EIF4G3: variants seen among roughly 807,000 people sequenced by gnomAD.
EIF4G3 encodes the protein eukaryotic translation initiation factor 4 gamma 3.
In EIF4G3, 34 loss-of-function variants were observed where a neutral mutation model predicts 186.4. The ratio of observed to expected loss-of-function variants is 0.18; its 90% CI spans 0.14 to 0.24. The LOEUF is 0.24. EIF4G3 is among the 10% of genes least tolerant of loss of function. The pLI, the probability that EIF4G3 is intolerant of heterozygous loss-of-function variation, is 1.00. For synonymous variants in EIF4G3, 673 were observed against 679.5 expected (o/e 0.99, Z 0.15); for missense variants, 1,536 against 1,948.5 (o/e 0.79, Z 3.99).
intron 14 of EIF4G3, among the ~76,000 whole-genome samples, chr1:20,912,029 C>T (rs2093305554): frequency 6.6e-6 from 1 of 152,092 alleles, no homozygotes. Context: ...GTGGCTCATG[C>T]CACCATGAGG....
chr1:21,104,811 C>A (rs530324331), intron 2 of EIF4G3, among the ~76,000 whole-genome samples: 1 of 152,014 alleles, frequency 6.6e-6, no homozygotes, highest in Non-Finnish European at 1.5e-5. Flanking sequence ...ATACAACCAA[C>A]CTAAATGCCC....
At chr1:20,947,501 A>G (rs370492733) in intron 13 of EIF4G3, among the ~76,000 whole-genome samples, 163 of 152,126 alleles carry the variant, frequency 1.1e-3, no homozygotes, top group African/African-American at 3.9e-3. Flanking sequence ...GCTATGGAAG[A>G]AATTAGAAAT....
intron 18 of EIF4G3, among the ~76,000 whole-genome samples, chr1:20,888,730 A>G (rs1165391708): frequency 1.3e-5 from 2 of 152,166 alleles, no homozygotes; most frequent in African/African-American, 2.4e-5. Flanking sequence ...GGACCCTAAA[A>G]ACTATATTAT....
chr1:21,147,286 A>G (rs2097460137), intron 2 of EIF4G3, among the ~76,000 whole-genome samples: 1 of 151,956 alleles, frequency 6.6e-6, no homozygotes, highest in African/African-American at 2.4e-5. Context: ...AAATCTATAT[A>G]ATTTGTATTA....
In EIF4G3 at chr1:20,903,924, C is replaced by CA. The variant is rs903424470; in HGVS notation, c.1752+958dup. The stretch of plus-strand genomic sequence containing the variant: ...TTAATAAAGTAGCTAAAAGAATAGT[C>CA]AAAAAAAGGGAAAAAGCTACATACA... On this transcript the variant is annotated intron_variant, in intron 15 of 36. Coordinates refer to ENST00000602326, the MANE Select transcript of EIF4G3 (RefSeq NM_001391906.1). Among the ~76,000 whole-genome samples the CA allele has an allele frequency of 4.0e-5, 6 of 151,726 alleles. 1 individual carries two copies. The highest frequency in any genetic ancestry group is 1.5e-4 in the African/African-American group (6 of 41,292).
intron 10 of EIF4G3, among the ~76,000 whole-genome samples, chr1:20,976,953 A>C (rs1363981058): frequency 6.6e-6 from 1 of 152,180 alleles, no homozygotes; most frequent in Non-Finnish European, 1.5e-5. Context: ...AAATGAGAGA[A>C]GTTCTATAGA....
At chr1:21,102,861 CAA>C (rs1342755323) in intron 2 of EIF4G3, among the ~76,000 whole-genome samples, 1 of 151,932 alleles carries the variant, frequency 6.6e-6, no homozygotes, top group Non-Finnish European at 1.5e-5. Flanking sequence ...TAACAAATGT[CAA>C]GAGAAAAAAA....
At chr1:21,073,207 C>CTT (rs754966183) in intron 3 of EIF4G3, among the ~76,000 whole-genome samples, 2 of 152,168 alleles carry the variant, frequency 1.3e-5, no homozygotes, top group African/African-American at 4.8e-5. Flanking sequence ...AGAAACTCTT[C>CTT]AACAGCTCCT....
intron 4 of EIF4G3, among the ~76,000 whole-genome samples, chr1:21,031,525 C>A (rs2092747999): frequency 6.6e-6 from 1 of 151,966 alleles, no homozygotes; most frequent in Non-Finnish European, 1.5e-5. Context: ...TATAAGAACA[C>A]TAACAATGTT....
chr1:21,076,899 G>A (rs1047381450), intron 3 of EIF4G3, among the ~76,000 whole-genome samples: 3 of 152,036 alleles, frequency 2.0e-5, no homozygotes, highest in African/African-American at 7.2e-5. Flanking sequence ...TTTTTCTTTT[G>A]GGTAAAATCT....
intron 3 of EIF4G3, among the ~76,000 whole-genome samples, chr1:21,052,488 A>G (rs908156089): frequency 6.6e-6 from 1 of 152,192 alleles, no homozygotes; most frequent in Non-Finnish European, 1.5e-5. Context: ...ATGACAACAA[A>G]TGATCTATAT....
At chr1:20,982,495 G>T (rs2078509870) in intron 7 of EIF4G3, 87 bp from the exon 8 acceptor site, 1 of 921,890 alleles carries the variant, frequency 1.1e-6, no homozygotes, top group Non-Finnish European at 1.6e-6. Context: ...ACAGGAAATA[G>T]CATGCAGCTC....
intron 20 of EIF4G3, among the ~76,000 whole-genome samples, chr1:20,877,763 A>G (rs921685715): frequency 6.6e-6 from 1 of 152,242 alleles, no homozygotes; most frequent in African/African-American, 2.4e-5. Context: ...TGGATTAAAA[A>G]CAGGGGCTTA....
At chr1:20,811,002 T>G in intron 35 of EIF4G3, 118 bp from the exon 36 acceptor site, 1 of 978,096 alleles carries the variant, frequency 1.0e-6, no homozygotes, top group Non-Finnish European at 1.5e-6. Context: ...CAGGCTGGAG[T>G]GCAGTGGCAC....
intron 4 of EIF4G3, among the ~76,000 whole-genome samples, chr1:21,026,294 G>GA (rs1218207429): frequency 6.6e-6 from 1 of 152,162 alleles, no homozygotes; most frequent in Non-Finnish European, 1.5e-5. Flanking sequence ...ATTCAATGGG[G>GA]AAAGGACATT....
chr1:21,032,048 A>G (rs2092792452), intron 4 of EIF4G3, among the ~76,000 whole-genome samples: 1 of 152,232 alleles, frequency 6.6e-6, no homozygotes, highest in Non-Finnish European at 1.5e-5. Flanking sequence ...AACGTATTCA[A>G]TAAAATAGCT....
In EIF4G3 at chr1:20,825,194, T is replaced by A. The variant is rs766936712; in HGVS notation, c.4274A>T (p.His1425Leu). 5.6e-6 allele frequency: 9 copies of A among 1,598,588 alleles called. No homozygotes were observed. Among genetic ancestry groups the A allele is most frequent in the Non-Finnish European group, 6.0e-6 (7 of 1,170,430 alleles). Residue 1425 changes from histidine to leucine, a missense_variant, in exon 33 of 37, where the codon CAT becomes CTT. Coordinates refer to ENST00000602326, the MANE Select transcript of EIF4G3 (RefSeq NM_001391906.1). ...CCTCCATAAGGCTCCCACTTTCTTA[T>A]GGCTCTAAAATAGAGATAAATCCAA... ...ILHLLCKQMS[H>L]KKVGALWREA...
intron 10 of EIF4G3, among the ~76,000 whole-genome samples, chr1:20,974,133 G>A (rs918685712): frequency 2.6e-5 from 4 of 152,156 alleles, no homozygotes; most frequent in South Asian, 2.1e-4. Flanking sequence ...GTCAAGTTTC[G>A]GGTGCTTACC....
rs1464724843 is a variant in EIF4G3, at chr1:21,176,859, T to C, written c.-593A>G. ...CACTCAACGAGCAGAGCATCCAACA[T>C]GGCGCTGTGGCCGCCTCCAGCAGTC... On this transcript the variant is annotated 5_prime_UTR_variant, in exon 1 of 37. An upstream start codon of the reference 5' UTR is lost. Transcript: ENST00000602326. 2.9e-6 allele frequency: 2 copies of C among 700,252 alleles called. No individual in the cohort carries two copies. The highest frequency in any genetic ancestry group is 2.7e-5 in the East Asian group (1 of 36,962). 43.4% of individuals were successfully genotyped at this position (700,252 alleles called of 1,614,324 possible).
Sources: allele counts gnomAD v4.1 joint callset (sites outside exome capture counted in the v4.1 genomes callset), GRCh38; gene constraint gnomAD v4.1.1; transcripts MANE v1.5; gene names NCBI Gene and HGNC (gene_info 2026-07-23, HGNC 2026-07-21).